The following PLPP7 variants were observed in gnomAD, a reference collection of about 807,000 sequenced individuals.
The protein encoded by PLPP7 is phospholipid phosphatase 7 (inactive).
A neutral mutation model predicts 16.9 loss-of-function variants in PLPP7; 11 were observed. The observed-to-expected ratio is 0.65, with a 90% confidence interval of 0.41 to 1.08. The LOEUF (loss-of-function observed/expected upper bound fraction) is 1.08. Ranked by LOEUF, PLPP7 falls within the 50% of genes least tolerant of loss-of-function variation. The pLI, the probability that PLPP7 is intolerant of heterozygous loss-of-function variation, is 0.00. For synonymous variants in PLPP7, 174 were observed against 175.1 expected, an observed-to-expected ratio of 0.99 and a Z score of 0.05; for missense variants, 358 against 397.1, an observed-to-expected ratio of 0.90 and a Z score of 0.84.
At position 131,302,954 on chromosome 9, in the gene PLPP7, G is replaced by T. The variant is rs75382847; in HGVS notation, c.452-4969G>T. ...AGTGCCTCACACCCTGCAGCAAGGG[G>T]ATCGGGGGTATGTGATGGTGCAAGA... On this transcript the variant is annotated intron_variant, in intron 1 of 1. Coordinates refer to ENST00000372264, the MANE Select transcript of PLPP7 (RefSeq NM_032728.4). 3.9e-3 allele frequency among the ~76,000 whole-genome samples: 597 copies of T among 152,330 alleles called. 2 individuals carry two copies. Among genetic ancestry groups the T allele is most frequent in the African/African-American group, 0.013 (556 of 41,578 alleles).
intron 1 of PLPP7, among the ~76,000 whole-genome samples, chr9:131,299,656 G>A (rs137915618): frequency 5.3e-5 from 8 of 152,242 alleles, no homozygotes; most frequent in East Asian, 1.9e-4. Flanking sequence ...AGACGGCTGC[G>A]GCATGGTGAG....
At chr9:131,300,240 A>C (rs1481837171) in intron 1 of PLPP7, among the ~76,000 whole-genome samples, 1 of 152,034 alleles carries the variant, frequency 6.6e-6, no homozygotes, top group African/African-American at 2.4e-5. Flanking sequence ...GTCAGGAACC[A>C]CCCCTGGTAC....
At chr9:131,297,114 G>A (rs1226789192) in intron 1 of PLPP7, among the ~76,000 whole-genome samples, 1 of 152,238 alleles carries the variant, frequency 6.6e-6, no homozygotes, top group Non-Finnish European at 1.5e-5. Context: ...CCCCAGGCCA[G>A]GTCAGGGCCC....
In PLPP7 at chr9:131,290,974, C is replaced by A; in HGVS notation, c.451+526C>A. 1.0e-6 allele frequency: 1 copy of A among 974,586 alleles called. No individual in the cohort carries two copies. Among genetic ancestry groups the A allele is most frequent in the Admixed American group, 2.1e-5 (1 of 48,780 alleles). 60.4% of individuals were successfully genotyped at this position (974,586 alleles called of 1,614,324 possible). On this transcript the variant is annotated intron_variant, in intron 1 of 1. Coordinates refer to ENST00000372264, the MANE Select transcript of PLPP7 (RefSeq NM_032728.4). This position sits in a 1 kb window ranked among gnomAD's most constrained non-coding sequence, Gnocchi z 4.2. ...CCAGGGTCTGGGGACCCAGGGAGTT[C>A]CCCTGGGACTGCCACCCACTCACAG...
intron 1 of PLPP7, among the ~76,000 whole-genome samples, chr9:131,307,322 C>T (rs552784739): frequency 2.7e-5 from 4 of 150,692 alleles, no homozygotes; most frequent in East Asian, 3.9e-4. Flanking sequence ...GAGGCTGAGG[C>T]GGGTGGATCA....
intron 1 of PLPP7, among the ~76,000 whole-genome samples, chr9:131,296,672 C>G (rs1835737442): frequency 6.6e-6 from 1 of 152,188 alleles, no homozygotes. Flanking sequence ...GGTCACGTGC[C>G]CCTGGATTTT....
intron 1 of PLPP7, among the ~76,000 whole-genome samples, chr9:131,296,691 C>T (rs917798792): frequency 6.6e-5 from 10 of 152,202 alleles, no homozygotes; most frequent in African/African-American, 9.7e-5. Context: ...TTTCCCCGTG[C>T]GAATGCTAAT....
chr9:131,307,932 T>A lies in PLPP7; in HGVS notation c.461T>A (p.Leu154Gln). The part of the protein sequence containing the change: ...VLMNLLLALL[L>Q]DIMTVAGVQK... ...TGTCTCCCCCCAACAGCCCTGCTCCTGGACATCATGACGGTGGCCGGCGTG... is the reference window on the plus strand; with the variant it reads ...TGTCTCCCCCCAACAGCCCTGCTCCAGGACATCATGACGGTGGCCGGCGTG... Residue 154 changes from leucine to glutamine, a missense_variant, in exon 2 of 2, where the codon CTG (leucine) becomes CAG (glutamine). Leu to Gln is a moderately radical substitution (Grantham distance 113). Transcript: ENST00000372264. 1 of 1,587,846 alleles carries A rather than the reference T, an allele frequency of 6.3e-7. No individual in the cohort carries two copies. The highest frequency in any genetic ancestry group is 1.1e-5 in the South Asian group (1 of 89,722).
At chr9:131,297,536 C>A (rs1290754820) in intron 1 of PLPP7, among the ~76,000 whole-genome samples, 1 of 152,040 alleles carries the variant, frequency 6.6e-6, no homozygotes, top group East Asian at 1.9e-4. Context: ...CAGGTGCCTG[C>A]CACCACACCT....
At chr9:131,299,666 G>C (rs1477557123) in intron 1 of PLPP7, among the ~76,000 whole-genome samples, 1 of 152,146 alleles carries the variant, frequency 6.6e-6, no homozygotes, top group East Asian at 1.9e-4. Context: ...GGCATGGTGA[G>C]GGCGAAAAGC....
At chr9:131,301,878 G>T (rs1376379406) in intron 1 of PLPP7, among the ~76,000 whole-genome samples, 6 of 145,454 alleles carry the variant, frequency 4.1e-5, no homozygotes, top group African/African-American at 1.5e-4. Flanking sequence ...GTGCAGTGGC[G>T]CAATCTTGGC....
At chr9:131,299,902 C>G (rs1835777247) in intron 1 of PLPP7, among the ~76,000 whole-genome samples, 1 of 152,124 alleles carries the variant, frequency 6.6e-6, no homozygotes, top group South Asian at 2.1e-4. Context: ...CAGGCTGGGC[C>G]CTATGGTCCC....
chr9:131,303,192 C>G (rs753032323), intron 1 of PLPP7, among the ~76,000 whole-genome samples: 1 of 151,928 alleles, frequency 6.6e-6, no homozygotes, highest in Non-Finnish European at 1.5e-5. Context: ...ATTAGCTGGG[C>G]GTGGTAGCAC....
rs1410143013 is a variant in PLPP7 at position 131,309,188 on chromosome 9, C to A, written c.*901C>A. 2 of 152,670 alleles carry A rather than the reference C, an allele frequency of 1.3e-5. No homozygotes were observed. The highest frequency in any genetic ancestry group is 2.9e-5 in the Non-Finnish European group (2 of 68,038). The allele number at this position is 152,670 out of a possible 1,614,324, so 9.5% of individuals were successfully genotyped here. A position where few individuals can be genotyped will look rare whatever the true frequency, so the allele number is the denominator to read the frequency against. ...CCCCCAGGGGCCGGACTCCGTGTGA[C>A]CTAATAGGTCGTTTCCAAGTCACCC... is the stretch of plus-strand genomic sequence containing the variant. On this transcript the variant is annotated 3_prime_UTR_variant, in exon 2 of 2. Coordinates refer to ENST00000372264, the MANE Select transcript of PLPP7 (RefSeq NM_032728.4).
At chr9:131,304,039 G>A (rs180981145) in intron 1 of PLPP7, among the ~76,000 whole-genome samples, 5 of 152,264 alleles carry the variant, frequency 3.3e-5, no homozygotes, top group African/African-American at 4.8e-5. Flanking sequence ...CAGGGGGCAG[G>A]GGCACGGGCT....
chr9:131,302,516 C>T (rs1835810213), intron 1 of PLPP7, among the ~76,000 whole-genome samples: 1 of 152,194 alleles, frequency 6.6e-6, no homozygotes, highest in Non-Finnish European at 1.5e-5. Context: ...GGCACGAAAC[C>T]CGGGCATGGT....
chr9:131,304,419 G>T (rs934018881), intron 1 of PLPP7, among the ~76,000 whole-genome samples: 1 of 152,188 alleles, frequency 6.6e-6, no homozygotes, highest in African/African-American at 2.4e-5. Context: ...CAGATCCCTT[G>T]AGGTCAGGAG....
chr9:131,293,429 A>T (rs1387374214), intron 1 of PLPP7, among the ~76,000 whole-genome samples: 1 of 152,166 alleles, frequency 6.6e-6, no homozygotes, highest in Non-Finnish European at 1.5e-5. Flanking sequence ...CCCCGAGGTC[A>T]CTCTGTGGGG....
chr9:131,303,772 G>A (rs1052602536), intron 1 of PLPP7, among the ~76,000 whole-genome samples: 1 of 152,196 alleles, frequency 6.6e-6, no homozygotes, highest in Non-Finnish European at 1.5e-5. Context: ...CTGCCTGCAG[G>A]CATGGTGCCT....
Sources: allele counts gnomAD v4.1 joint callset (sites outside exome capture counted in the v4.1 genomes callset), GRCh38; gene constraint gnomAD v4.1.1; non-coding constraint Gnocchi (gnomAD v3.1); transcripts MANE v1.5; gene names NCBI Gene and HGNC (gene_info 2026-07-23, HGNC 2026-07-21).